The following TMPRSS6 variants were observed in gnomAD, a reference collection of about 807,000 sequenced individuals.
TMPRSS6 encodes the protein transmembrane serine protease 6.
TMPRSS6 carries 67 observed loss-of-function variants against 101.5 expected under a neutral mutation model. That is an observed-to-expected ratio of 0.66 (90% CI 0.54 to 0.81). The LOEUF (loss-of-function observed/expected upper bound fraction) is 0.81. TMPRSS6 is among the 30% of genes least tolerant of loss of function. The probability of loss-of-function intolerance (pLI) is 0.00; values close to 1 mark genes in which losing one functional copy is unlikely to be tolerated. For missense variants in TMPRSS6, 1,034 were observed against 1,088.7 expected, an observed-to-expected ratio of 0.95 and a Z score of 0.71; for synonymous variants, 453 against 464.9, an observed-to-expected ratio of 0.97 and a Z score of 0.33.
chr22:37,095,572 CTA>C lies in TMPRSS6; in HGVS notation c.608_609del (p.Ile203SerfsTer27). On this transcript the variant is annotated frameshift_variant, in exon 6 of 18. Coordinates refer to ENST00000676104, the MANE Select transcript of TMPRSS6 (RefSeq NM_001374504.1). LOFTEE classifies it high-confidence loss of function. The part of the protein sequence containing the change: ...LVILEASVKD[I>X]AALNSTLGCY... Reference sequence around the variant, plus strand: ...GTACCCAGCGTGGAATTCAATGCAGCTATGTCTTTCACACTGGCTTCTGATAA... The same window carrying C: ...GTACCCAGCGTGGAATTCAATGCAGCTGTCTTTCACACTGGCTTCTGATAA... 6.2e-7 allele frequency: 1 copy of C among 1,610,844 alleles called. No individual in the cohort carries two copies. Among genetic ancestry groups the C allele is most frequent in the South Asian group, 1.1e-5 (1 of 90,818 alleles).
chr22:37,099,608 A>T (rs993302747), intron 2 of TMPRSS6, among the ~76,000 whole-genome samples: 1 of 152,184 alleles, frequency 6.6e-6, no homozygotes, highest in African/African-American at 2.4e-5. Context: ...AGAACTATCA[A>T]GAAAAAACTG....
intron 13 of TMPRSS6, among the ~76,000 whole-genome samples, chr22:37,072,156 A>G (rs963063166): frequency 2.8e-5 from 4 of 142,504 alleles, no homozygotes; most frequent in South Asian, 2.4e-4. Context: ...GGGTGAATGG[A>G]TGGATGATGG....
intron 12 of TMPRSS6, among the ~76,000 whole-genome samples, chr22:37,073,911 G>A (rs1278164242): frequency 1.3e-5 from 2 of 152,118 alleles, no homozygotes; most frequent in Admixed American, 6.5e-5. Flanking sequence ...ACCACGCCCA[G>A]CTAATTATTG....
At position 37,071,051 on chromosome 22, in the gene TMPRSS6, G is replaced by A. The variant is rs1281373724; in HGVS notation, c.1556-19C>T. On this transcript the variant is annotated intron_variant, in intron 13 of 17. Coordinates refer to ENST00000676104, the MANE Select transcript of TMPRSS6 (RefSeq NM_001374504.1). The stretch of plus-strand genomic sequence containing the variant: ...GGCACCCCTGGGACAGAGGGGATGG[G>A]GGCAGGGCACAGAAGGTGGGTCTCT... 6.2e-7 allele frequency: 1 copy of A among 1,609,540 alleles called. No individual in the cohort carries two copies.
Position 37,084,357 on chromosome 22 carries a change from T to C in TMPRSS6, c.1134A>G (p.Ala378=), listed in dbSNP as rs769481850. ...GCAAATCATACTTCTGCCTCCTCAG[T>C]GCATAGGCATCAAACCAGAGGGCCA... ...YGLALWFDAY[A]LRRQKYDLPC... Residue 378 remains alanine (A), a synonymous_variant, in exon 10 of 18, where the codon GCA becomes GCG. Coordinates refer to ENST00000676104, the MANE Select transcript of TMPRSS6 (RefSeq NM_001374504.1). 8.7e-6 allele frequency: 14 copies of C among 1,613,146 alleles called. No homozygotes were observed. Among genetic ancestry groups the C allele is most frequent in the African/African-American group, 1.3e-5 (1 of 74,792 alleles).
intron 1 of TMPRSS6, among the ~76,000 whole-genome samples, chr22:37,105,667 C>T (rs1304739612): frequency 1.3e-5 from 2 of 152,092 alleles, no homozygotes; most frequent in African/African-American, 4.8e-5. Flanking sequence ...ACCATATTCC[C>T]GTCGCACCCC....
At chr22:37,073,429 T>G in intron 13 of TMPRSS6, 103 bp downstream of exon 13, 1 of 713,416 alleles carries the variant, frequency 1.4e-6, no homozygotes. Context: ...TACAGAGGGG[T>G]TGGTGGGTGT....
chr22:37,107,821 T>C (rs1395473059), intron 1 of TMPRSS6, among the ~76,000 whole-genome samples: 2 of 152,204 alleles, frequency 1.3e-5, no homozygotes, highest in African/African-American at 4.8e-5. Flanking sequence ...AGGCCTTCCC[T>C]GGGCACTCCC....
chr22:37,076,567 G>A (rs1188523309), intron 10 of TMPRSS6, among the ~76,000 whole-genome samples: 1 of 152,154 alleles, frequency 6.6e-6, no homozygotes, highest in Non-Finnish European at 1.5e-5. Context: ...TGGGCCCAGG[G>A]GTTCCTCCTG....
chr22:37,106,999 C>T (rs748198812), intron 1 of TMPRSS6, among the ~76,000 whole-genome samples: 9 of 152,240 alleles, frequency 5.9e-5, no homozygotes, highest in Admixed American at 4.6e-4. Context: ...ACAGAACAGG[C>T]AGGGCCAGCA....
intron 1 of TMPRSS6, 21 bp downstream of exon 1, chr22:37,109,482 G>C (rs1350976036): frequency 6.6e-6 from 1 of 152,554 alleles, no homozygotes; most frequent in Non-Finnish European, 1.5e-5. Flanking sequence ...CCGGTCCCCT[G>C]TCCTGGAGGC....
intron 1 of TMPRSS6, among the ~76,000 whole-genome samples, chr22:37,104,286 C>A (rs907417998): frequency 6.6e-6 from 1 of 152,092 alleles, no homozygotes; most frequent in Non-Finnish European, 1.5e-5. Flanking sequence ...CACTCCCAGA[C>A]GCATTTTACA....
intron 10 of TMPRSS6, 87 bp downstream of exon 10, chr22:37,084,208 G>T (rs1336776645): frequency 8.5e-7 from 1 of 1,181,628 alleles, no homozygotes; most frequent in South Asian, 1.3e-5. Context: ...GGGGACTTGG[G>T]CTTCCAATGA....
intron 12 of TMPRSS6, among the ~76,000 whole-genome samples, chr22:37,073,991 C>T (rs1253645236): frequency 2.0e-5 from 3 of 152,090 alleles, no homozygotes; most frequent in South Asian, 2.1e-4. Context: ...TCAGGTGATC[C>T]GCTCGACTCC....
intron 16 of TMPRSS6, among the ~76,000 whole-genome samples, chr22:37,067,471 A>C (rs1926410599): frequency 6.7e-6 from 1 of 149,474 alleles, no homozygotes; most frequent in Non-Finnish European, 1.5e-5. Context: ...CTGTCTCAAA[A>C]AAACAAAAAA....
Position 37,089,610 on chromosome 22 carries a change from C to A in TMPRSS6, c.804G>T (p.Val268=), listed in dbSNP as rs1277399729. Residue 268 remains valine, a synonymous_variant, in exon 7 of 18, where the codon GTG becomes GTT. Transcript: ENST00000676104. Reference sequence around the variant, plus strand: ...TGAGCCTCTTCTCCAGGGGCCCGGCCACGTCATACATGGCCAGTCGGTCCC... The same window carrying A: ...TGAGCCTCTTCTCCAGGGGCCCGGCAACGTCATACATGGCCAGTCGGTCCC... ...ECRDRLAMYD[V]AGPLEKRLIT... The A allele has an allele frequency of 1.2e-6, 2 of 1,612,602 alleles. No individual in the cohort carries two copies. The highest frequency in any genetic ancestry group is 1.3e-5 in the African/African-American group (1 of 74,870).
intron 10 of TMPRSS6, among the ~76,000 whole-genome samples, chr22:37,077,271 C>T (rs1396036248): frequency 2.0e-5 from 3 of 152,204 alleles, no homozygotes; most frequent in East Asian, 1.9e-4. Context: ...CCCAGAAGAG[C>T]TCACCTAGCT....
chr22:37,069,033 G>T lies in TMPRSS6; in HGVS notation c.2113+40C>A. 6.5e-7 allele frequency: 1 copy of T among 1,533,308 alleles called. No individual in the cohort carries two copies. The allele number at this position is 1,533,308 out of a possible 1,614,324, so 95.0% of individuals were successfully genotyped here. Reference sequence around the variant, plus strand: ...CAGGTGTTACGGCGCAGATCCGCACGGTCTCCCTCCGCCTCCCGCCGCAAG... The same window carrying T: ...CAGGTGTTACGGCGCAGATCCGCACTGTCTCCCTCCGCCTCCCGCCGCAAG... On this transcript the variant is annotated intron_variant, in intron 16 of 17. Transcript: ENST00000676104. This position sits in a 1 kb window ranked among gnomAD's most constrained non-coding sequence, Gnocchi z 4.8.
chr22:37,089,718 C>G lies in TMPRSS6; in HGVS notation c.696G>C (p.Leu232=). ...GCAGGTGCCACAGGCAGCTGGAGGC[C>G]AGGTGGTCAGGCCCCTTCAGCCGGA... ...QVLRLKGPDH[L]ASSCLWHLQG... The change falls in exon 7 of 18, where the codon CTG becomes CTC. Residue 232 remains leucine (L), a synonymous_variant. Coordinates refer to ENST00000676104, the MANE Select transcript of TMPRSS6 (RefSeq NM_001374504.1). 1 of 1,612,104 alleles carries G rather than the reference C, an allele frequency of 6.2e-7. No homozygotes were observed. The highest frequency in any genetic ancestry group is 8.5e-7 in the Non-Finnish European group (1 of 1,179,398).
Sources: allele counts gnomAD v4.1 joint callset (sites outside exome capture counted in the v4.1 genomes callset), GRCh38; gene constraint gnomAD v4.1.1; non-coding constraint Gnocchi (gnomAD v3.1); transcripts MANE v1.5; gene names NCBI Gene and HGNC (gene_info 2026-07-23, HGNC 2026-07-21).